KHDRBS2: variants seen among roughly 807,000 people sequenced by gnomAD.
The protein encoded by KHDRBS2 is KH RNA binding domain containing, signal transduction associated 2.
In KHDRBS2, 26 loss-of-function variants were observed where a neutral mutation model predicts 44.3. That is an observed-to-expected ratio of 0.59 (90% CI 0.43 to 0.81). The LOEUF (loss-of-function observed/expected upper bound fraction) is 0.81. Ranked by LOEUF, KHDRBS2 falls within the 40% of genes least tolerant of loss-of-function variation. The pLI is 0.00. For synonymous variants in KHDRBS2, 194 were observed against 151.1 expected, an observed-to-expected ratio of 1.28 and a Z score of -2.08; for missense variants, 476 against 433.1, an observed-to-expected ratio of 1.10 and a Z score of -0.88.
At chr6:61,785,699 G>GT (rs567207937) in intron 6 of KHDRBS2, among the ~76,000 whole-genome samples, 29 of 151,916 alleles carry the variant, frequency 1.9e-4, no homozygotes, top group Admixed American at 5.9e-4. Flanking sequence ...ATTATTTTCT[G>GT]TATGTTTTAA....
At chr6:62,134,872 G>A (rs897172853) in intron 2 of KHDRBS2, among the ~76,000 whole-genome samples, 9 of 152,062 alleles carry the variant, frequency 5.9e-5, no homozygotes, top group African/African-American at 9.7e-5. Context: ...TTTATACAAC[G>A]CCTGTACTCC....
chr6:61,781,877 G>T (rs1782985414), intron 6 of KHDRBS2, among the ~76,000 whole-genome samples: 2 of 152,160 alleles, frequency 1.3e-5, no homozygotes, highest in Non-Finnish European at 2.9e-5. Context: ...GACAGAAAGA[G>T]AAATGAATTG....
At chr6:61,597,912 G>GTT in the KHDRBS2 span, among the ~76,000 whole-genome samples, 1 of 133,484 alleles carries the variant, frequency 7.5e-6, no homozygotes, top group Non-Finnish European at 1.6e-5. Flanking sequence ...GGTTTTTTTT[G>GTT]TGTTTTTTTT....
At chr6:61,997,321 G>A (rs1584050166) in intron 3 of KHDRBS2, among the ~76,000 whole-genome samples, 1 of 152,158 alleles carries the variant, frequency 6.6e-6, no homozygotes, top group East Asian at 1.9e-4. Context: ...TACTTGATAA[G>A]ATAGGATTGC....
chr6:61,852,562 C>CAA (rs773776834), intron 6 of KHDRBS2, among the ~76,000 whole-genome samples: 15 of 70,188 alleles, frequency 2.1e-4, no homozygotes, highest in Non-Finnish European at 2.3e-4. Flanking sequence ...GACTCCGTCT[C>CAA]AAAAAAAAAA....
chr6:62,080,763 T>A (rs1797232861), intron 2 of KHDRBS2, among the ~76,000 whole-genome samples: 1 of 152,124 alleles, frequency 6.6e-6, no homozygotes, highest in African/African-American at 2.4e-5. Flanking sequence ...GGGTTATTGA[T>A]GAGCTTGGCC....
At chr6:62,141,173 G>A (rs993936892) in intron 2 of KHDRBS2, among the ~76,000 whole-genome samples, 7 of 152,146 alleles carry the variant, frequency 4.6e-5, no homozygotes, top group African/African-American at 1.7e-4. Context: ...ACTAATGGCA[G>A]TGTAAAAGTG....
intron 2 of KHDRBS2, among the ~76,000 whole-genome samples, chr6:62,055,503 ATAATGGCAGTGTCTTGT>A (rs1790063732): frequency 6.6e-6 from 1 of 152,040 alleles, no homozygotes; most frequent in African/African-American, 2.4e-5. Context: ...GAATACAACC[ATAATGGCAGTGTCTTGT>A]CAATCTGTAA....
In KHDRBS2 at chr6:62,169,110, T is replaced by C. The variant is rs181716958; in HGVS notation, c.219+8075A>G. 5.8e-3 allele frequency among the ~76,000 whole-genome samples: 818 copies of C among 142,080 alleles called. 4 individuals are homozygous for C. Among genetic ancestry groups the C allele is most frequent in the Non-Finnish European group, 0.01 (676 of 65,122 alleles). 93.2% of individuals were successfully genotyped at this position (142,080 alleles called of 152,430 possible). ...ACACATTTATATTTATATATACACATATATGTGTGTATATATACATATACA... is the reference window on the plus strand; with the variant it reads ...ACACATTTATATTTATATATACACACATATGTGTGTATATATACATATACA... On this transcript the variant is annotated intron_variant, in intron 2 of 8. Coordinates refer to ENST00000281156, the MANE Select transcript of KHDRBS2 (RefSeq NM_152688.4).
intron 1 of KHDRBS2, among the ~76,000 whole-genome samples, chr6:62,192,478 T>A (rs923795689): frequency 3.9e-5 from 6 of 152,126 alleles, no homozygotes; most frequent in Non-Finnish European, 8.8e-5. Flanking sequence ...GATGATTATA[T>A]AAAATGGCAT....
At chr6:61,589,958 C>T in the KHDRBS2 span, among the ~76,000 whole-genome samples, 7 of 152,158 alleles carry the variant, frequency 4.6e-5, no homozygotes, top group Admixed American at 2.6e-4. Flanking sequence ...CAAAAACAGT[C>T]CCCCCACAGT....
intron 6 of KHDRBS2, among the ~76,000 whole-genome samples, chr6:61,830,468 C>T (rs1791613769): frequency 6.6e-6 from 1 of 152,202 alleles, no homozygotes; most frequent in Non-Finnish European, 1.5e-5. Context: ...TTTTGGAAAC[C>T]TGTCTTCAAC....
chr6:61,547,350 CT>C, the KHDRBS2 span, among the ~76,000 whole-genome samples: 3 of 152,022 alleles, frequency 2.0e-5, no homozygotes, highest in African/African-American at 7.2e-5. Flanking sequence ...ATTTATTAAA[CT>C]TTCTATAATT....
At chr6:62,033,768 C>T (rs1472133410) in intron 3 of KHDRBS2, among the ~76,000 whole-genome samples, 3 of 151,378 alleles carry the variant, frequency 2.0e-5, no homozygotes, top group East Asian at 3.9e-4. Context: ...AGGAGAACTG[C>T]TTGAACCCAT....
chr6:61,550,069 G>C, the KHDRBS2 span, among the ~76,000 whole-genome samples: 2 of 152,016 alleles, frequency 1.3e-5, no homozygotes, highest in Non-Finnish European at 2.9e-5. Flanking sequence ...TTATTTTAGG[G>C]TCAGCGGTAC....
At chr6:62,033,047 C>A (rs1303599912) in intron 3 of KHDRBS2, among the ~76,000 whole-genome samples, 1 of 151,718 alleles carries the variant, frequency 6.6e-6, no homozygotes, top group Non-Finnish European at 1.5e-5. Context: ...AAGCAGAATT[C>A]TGGAGTTGAA....
rs372159822 is a variant in KHDRBS2, at chr6:62,195,407, A to T, written c.92-18095T>A. On this transcript the variant is annotated intron_variant, in intron 1 of 8. Transcript: ENST00000281156. ...CCTTGTTTCCCACAACATATTTTTGAAAGAAGTGTCATTTCATTTTTCTTC... is the reference window on the plus strand; with the variant it reads ...CCTTGTTTCCCACAACATATTTTTGTAAGAAGTGTCATTTCATTTTTCTTC... 9.2e-5 allele frequency among the ~76,000 whole-genome samples: 14 copies of T among 152,222 alleles called. No homozygotes were observed. The East Asian group carries it at 2.7e-3, about 29-fold the overall frequency.
the KHDRBS2 span, among the ~76,000 whole-genome samples, chr6:61,590,807 G>A: frequency 1.3e-5 from 2 of 152,122 alleles, no homozygotes; most frequent in Admixed American, 6.6e-5. Context: ...TGGTGCCAAA[G>A]TCCAGACTTT....
intron 2 of KHDRBS2, among the ~76,000 whole-genome samples, chr6:62,097,365 CTCTCTT>C (rs956682746): frequency 5.3e-5 from 8 of 151,976 alleles, no homozygotes; most frequent in African/African-American, 1.9e-4. Flanking sequence ...GACTATTTCT[CTCTCTT>C]TAAGTCTAAT....
Sources: allele counts gnomAD v4.1 joint callset (sites outside exome capture counted in the v4.1 genomes callset), GRCh38; gene constraint gnomAD v4.1.1; transcripts MANE v1.5; gene names NCBI Gene and HGNC (gene_info 2026-07-23, HGNC 2026-07-21).